The following EIF4G1 variants were observed in gnomAD, a reference collection of about 807,000 sequenced individuals.
The protein encoded by EIF4G1 is eukaryotic translation initiation factor 4 gamma 1.
A neutral mutation model predicts 187.8 loss-of-function variants in EIF4G1; 4 were observed. The observed-to-expected ratio is 0.02, with a 90% CI of 0.01 to 0.05. The LOEUF is 0.05. EIF4G1 is among the 10% of genes least tolerant of loss of function. EIF4G1 has a pLI of 1.00. For synonymous variants in EIF4G1, 844 were observed against 781.4 expected (o/e 1.08, Z -1.34); for missense variants, 1,647 against 2,081.1 (o/e 0.79, Z 4.06).
Position 184,327,661 on chromosome 3 carries a change from C to T in EIF4G1, c.3737C>T (p.Ser1246Phe). The change falls in exon 25 of 33, where the codon TCC becomes TTC. Residue 1246 changes from serine (S) to phenylalanine (F), a missense_variant. Coordinates refer to ENST00000346169, the MANE Select transcript of EIF4G1 (RefSeq NM_198241.3). ...TCTGAGGAGGAGTTAGAGAAGAAAT[C>T]CAAGGCTATCATTGAGGAATATCTC... Reference protein sequence around the residue: ...ALSEEELEKKSKAIIEEYLHL... With the variant: ...ALSEEELEKKFKAIIEEYLHL... 6.2e-7 allele frequency: 1 copy of T among 1,614,200 alleles called. No individual in the cohort carries two copies. Among genetic ancestry groups the T allele is most frequent in the South Asian group, 1.1e-5 (1 of 91,082 alleles).
At chr3:184,329,149 C>G (rs370699912) in intron 28 of EIF4G1, 159 bp downstream of exon 28, 1 of 814,156 alleles carries the variant, frequency 1.2e-6, no homozygotes, top group African/African-American at 1.7e-5. Context: ...GGCCATCTCC[C>G]GCACACCAGT....
chr3:184,328,451 G>T, intron 26 of EIF4G1, 180 bp from the exon 27 acceptor site: 1 of 866,238 alleles, frequency 1.2e-6, no homozygotes, highest in South Asian at 1.4e-5. Context: ...AACTTTAGGG[G>T]GTTAAGCGGG....
chr3:184,324,028 T>A (rs1192591255), intron 16 of EIF4G1, 51 bp downstream of exon 16: 1 of 1,611,336 alleles, frequency 6.2e-7, no homozygotes, highest in East Asian at 2.2e-5. Flanking sequence ...CCATTCCTAT[T>A]CCCAAGACTC....
intron 22 of EIF4G1, 80 bp from the exon 23 acceptor site, chr3:184,326,801 A>G: frequency 6.4e-7 from 1 of 1,568,586 alleles, no homozygotes; most frequent in Non-Finnish European, 8.8e-7. Flanking sequence ...GACTGGGACC[A>G]AGTGTCCTAA....
chr3:184,327,832 G>C lies in EIF4G1; in HGVS notation c.3783G>C (p.Glu1261Asp). ...CTGCTGTGCCCTGCACCCCTCAGGA[G>C]GCAGTCCAGTGCGTGCAGGAGCTGG... Reference protein sequence around the residue: ...EEYLHLNDMKEAVQCVQELAS... With the variant: ...EEYLHLNDMKDAVQCVQELAS... Residue 1261 changes from glutamate (E) to aspartate (D), a missense_variant and splice_region_variant, in exon 26 of 33, where the codon GAG (glutamate) becomes GAC (aspartate). Glu to Asp is a conservative substitution (Grantham distance 45). Around this residue, in one of 11 missense-constraint regions of EIF4G1, gnomAD observed 543 missense variants for 638.0 expected, o/e 0.85. Transcript: ENST00000346169. The C allele has an allele frequency of 6.2e-7, 1 of 1,614,070 alleles. No individual in the cohort carries two copies. Among genetic ancestry groups the C allele is most frequent in the South Asian group, 1.1e-5 (1 of 91,088 alleles).
In EIF4G1 at chr3:184,323,078, T is replaced by C; in HGVS notation, c.1930-5T>C. 6.2e-7 allele frequency: 1 copy of C among 1,614,186 alleles called. No individual in the cohort carries two copies. The highest frequency in any genetic ancestry group is 8.5e-7 in the Non-Finnish European group (1 of 1,180,038). On this transcript the variant is annotated splice_polypyrimidine_tract_variant and splice_region_variant and intron_variant, in intron 13 of 32. Transcript: ENST00000346169. This position sits in a 1 kb window ranked among gnomAD's most constrained non-coding sequence, Gnocchi z 6.9. ...TTCTGAGACCTTTTCCTGTCCTCTT[T>C]GCAGGCCAATAAAACACCACTGCGG...
rs1346294955 is a variant in EIF4G1 at position 184,334,356 on chromosome 3, A to C, written c.4619-371A>C. ...GGGGGGCAGTGAATGTTCAGGTTACATGTAGGATATATATAGGACTTTATG... is the reference window on the plus strand; with the variant it reads ...GGGGGGCAGTGAATGTTCAGGTTACCTGTAGGATATATATAGGACTTTATG... On this transcript the variant is annotated intron_variant, in intron 32 of 32. Transcript: ENST00000346169. The surrounding 1 kb of genome is among the most constrained non-coding windows in gnomAD (Gnocchi z 5.8). Among the ~76,000 whole-genome samples, 1 of 152,214 alleles carries C rather than the reference A, an allele frequency of 6.6e-6. No homozygotes were observed. The highest frequency in any genetic ancestry group is 2.4e-5 in the African/African-American group (1 of 41,440).
In EIF4G1 at chr3:184,328,767, C is replaced by T; in HGVS notation, c.4079+11C>T. ...GGGGGAGCTGTTCAGGTAAGTCCCC[C>T]TGGGTGGAATTCAGGGGAGGTAAAG... is the stretch of plus-strand genomic sequence containing the variant. On this transcript the variant is annotated intron_variant, in intron 27 of 32. Transcript: ENST00000346169. The T allele has an allele frequency of 1.2e-6, 2 of 1,614,064 alleles. No individual in the cohort carries two copies. The highest frequency in any genetic ancestry group is 8.5e-7 in the Non-Finnish European group (1 of 1,179,988).
rs1724319078 is a variant in EIF4G1, at chr3:184,323,696, C to G, written c.2275-84C>G. On this transcript the variant is annotated intron_variant, in intron 15 of 32. Coordinates refer to ENST00000346169, the MANE Select transcript of EIF4G1 (RefSeq NM_198241.3). The surrounding 1 kb of genome is among the most constrained non-coding windows in gnomAD (Gnocchi z 6.9). Reference sequence around the variant, plus strand: ...GTCCTTATCACTAGCATCTGTCATGCCTAAGTCCCCACCACCCTCTCCTGT... The same window carrying G: ...GTCCTTATCACTAGCATCTGTCATGGCTAAGTCCCCACCACCCTCTCCTGT... The G allele has an allele frequency of 6.2e-7, 1 of 1,609,346 alleles. No individual in the cohort carries two copies. The highest frequency in any genetic ancestry group is 1.3e-5 in the African/African-American group (1 of 74,932).
chr3:184,324,318 A>C lies in EIF4G1; in HGVS notation c.2590A>C (p.Lys864Gln), dbSNP rs2108493755. 6.2e-7 allele frequency: 1 copy of C among 1,614,232 alleles called. No homozygotes were observed. Among genetic ancestry groups the C allele is most frequent in the East Asian group, 2.2e-5 (1 of 44,890 alleles). ...DKDDDEVFEK[K>Q]QKEMDEAATA... The stretch of plus-strand genomic sequence containing the variant: ...AGATGATGATGAGGTTTTTGAGAAG[A>C]AGCAAAAAGAGATGGATGAAGCTGC... Residue 864 changes from lysine (K) to glutamine (Q), a missense_variant, in exon 17 of 33, where the codon AAG becomes CAG. Physicochemically the swap from Lys to Gln is moderately conservative, Grantham distance 53. Transcript: ENST00000346169.
Position 184,316,791 on chromosome 3 carries a change from T to C in EIF4G1, c.148-530T>C, listed in dbSNP as rs1722875543. ...CTGGTCTCATCCTTACCCTCCACCC[T>C]AGTCAGGGGCTAGACACAGGGAATG... On this transcript the variant is annotated intron_variant, in intron 4 of 32. Transcript: ENST00000346169. The C allele has an allele frequency of 1.9e-6, 3 of 1,544,288 alleles. No individual in the cohort carries two copies. In the African/African-American group the frequency reaches 4.1e-5, roughly 21 times the overall value.
chr3:184,324,093 A>T, intron 16 of EIF4G1, 108 bp from the exon 17 acceptor site: 1 of 1,603,974 alleles, frequency 6.2e-7, no homozygotes, highest in Non-Finnish European at 8.5e-7. Flanking sequence ...AGCTGGAAGG[A>T]GGCAGAGCTG....
At position 184,322,973 on chromosome 3, in the gene EIF4G1, G is replaced by C. The variant is rs1227166096; in HGVS notation, c.1929+19G>C. The C allele has an allele frequency of 6.2e-7, 1 of 1,614,202 alleles. No homozygotes were observed. The highest frequency in any genetic ancestry group is 8.5e-7 in the Non-Finnish European group (1 of 1,180,030). ...GGACAAGGTTAGTGGCTTCAGTTGG[G>C]GAGGGGACGATAAGTTTGTGCTGGA... On this transcript the variant is annotated intron_variant, in intron 13 of 32. Transcript: ENST00000346169.
At position 184,322,718 on chromosome 3, in the gene EIF4G1, G is replaced by A. The variant is rs1408857573; in HGVS notation, c.1783G>A (p.Glu595Lys). The change falls in exon 12 of 33, where the codon GAA becomes AAA. Residue 595 changes from glutamate (E) to lysine (K), a missense_variant. Transcript: ENST00000346169. ...CATCCAGCCCGGGGAACAGAAGTAT[G>A]AATATAAGTCAGGTATGCTGAAGAA... Reference protein sequence around the residue: ...ENIQPGEQKYEYKSDQWKPLN... With the variant: ...ENIQPGEQKYKYKSDQWKPLN... 1 of 1,614,212 alleles carries A rather than the reference G, an allele frequency of 6.2e-7. No homozygotes were observed. The highest frequency in any genetic ancestry group is 2.2e-5 in the East Asian group (1 of 44,888).
chr3:184,317,048 G>C (rs1227128385), intron 4 of EIF4G1, among the ~76,000 whole-genome samples: 2 of 152,130 alleles, frequency 1.3e-5, no homozygotes, highest in African/African-American at 4.8e-5. Flanking sequence ...CTCTGCAGAG[G>C]GGTAGTTTGG....
chr3:184,331,666 G>A, intron 30 of EIF4G1, 60 bp downstream of exon 30: 2 of 1,613,478 alleles, frequency 1.2e-6, no homozygotes, highest in Non-Finnish European at 8.5e-7. Flanking sequence ...GGTGGGGGCA[G>A]CAAGAATGAA....
chr3:184,327,639 G>C lies in EIF4G1; in HGVS notation c.3715G>C (p.Glu1239Gln), dbSNP rs773615250. 15 of 1,614,014 alleles carry C rather than the reference G, an allele frequency of 9.3e-6. No individual in the cohort carries two copies. The highest frequency in any genetic ancestry group is 1.6e-4 in the Middle Eastern group (1 of 6,084). ...PVSPLKAALS[E>Q]EELEKKSKAI... ...GAGCCCCCTGAAGGCGGCTCTCTCTGAGGAGGAGTTAGAGAAGAAATCCAA... is the reference window on the plus strand; with the variant it reads ...GAGCCCCCTGAAGGCGGCTCTCTCTCAGGAGGAGTTAGAGAAGAAATCCAA... The change falls in exon 25 of 33, where the codon GAG becomes CAG. Residue 1239 changes from glutamate to glutamine, a missense_variant. Physicochemically the swap from Glu to Gln is conservative, Grantham distance 29. Around this residue, in one of 11 missense-constraint regions of EIF4G1, gnomAD observed 543 missense variants for 638.0 expected, o/e 0.85. Transcript: ENST00000346169.
chr3:184,319,137 G>A (rs1723325684), intron 6 of EIF4G1: 1 of 152,612 alleles, frequency 6.6e-6, no homozygotes, highest in Non-Finnish European at 1.5e-5. Context: ...TTGCTTTAAG[G>A]AATTAATTTT....
chr3:184,320,137 C>G (rs987501052), intron 7 of EIF4G1, among the ~76,000 whole-genome samples: 4 of 151,902 alleles, frequency 2.6e-5, no homozygotes, highest in African/African-American at 4.8e-5. Flanking sequence ...CCCTGCCCCC[C>G]CAGTCCTGGA....
Sources: gnomAD v4.1 joint callset for allele counts (sites outside exome capture counted in the v4.1 genomes callset) on GRCh38, gnomAD v4.1.1 for gene constraint, gnomAD v4.1.1 regional missense constraint, Gnocchi (gnomAD v3.1) non-coding constraint, MANE v1.5 for transcripts, NCBI Gene and HGNC (gene_info 2026-07-23, HGNC 2026-07-21) for gene names.